The following SCAPER variants were observed in gnomAD, a reference collection of about 807,000 sequenced individuals.
SCAPER encodes the protein S-phase cyclin A associated protein in the ER, also known as S phase cyclin A-associated protein in the endoplasmic reticulum.
SCAPER carries 98 observed loss-of-function variants against 182.2 expected under a neutral mutation model. The observed-to-expected ratio is 0.54, with a 90% CI of 0.46 to 0.64. The LOEUF is 0.64. Ranked by LOEUF, SCAPER falls within the 30% of genes least tolerant of loss-of-function variation. The probability of loss-of-function intolerance (pLI) is 0.00; values close to 1 mark genes in which losing one functional copy is unlikely to be tolerated. For missense variants in SCAPER, 1,432 were observed against 1,690.0 expected (o/e 0.85, Z 2.68); for synonymous variants, 605 against 564.6 (o/e 1.07, Z -1.01).
chr15:76,614,176 T>A (rs992961623), intron 22 of SCAPER, among the ~76,000 whole-genome samples: 5 of 152,158 alleles, frequency 3.3e-5, no homozygotes, highest in Non-Finnish European at 1.5e-5. Flanking sequence ...TGTTCTCATT[T>A]ATAAGTGGGA....
chr15:76,391,851 A>G (rs1030018309), intron 27 of SCAPER, among the ~76,000 whole-genome samples: 1 of 152,228 alleles, frequency 6.6e-6, no homozygotes, highest in African/African-American at 2.4e-5. Context: ...CTGCACGTTG[A>G]CAAATACCAA....
intron 23 of SCAPER, among the ~76,000 whole-genome samples, chr15:76,525,613 T>C (rs111822359): frequency 1.3e-5 from 2 of 152,290 alleles, no homozygotes; most frequent in African/African-American, 2.4e-5. Context: ...AGTGAGAACA[T>C]GTGGTATTTG....
intron 8 of SCAPER, among the ~76,000 whole-genome samples, chr15:76,775,564 C>T (rs979730317): frequency 6.6e-6 from 1 of 152,164 alleles, no homozygotes; most frequent in Non-Finnish European, 1.5e-5. Flanking sequence ...AAATTCTAGT[C>T]TAGGTACATT....
intron 8 of SCAPER, among the ~76,000 whole-genome samples, chr15:76,778,226 C>T (rs140227756): frequency 1.2e-3 from 178 of 151,788 alleles, no homozygotes; most frequent in African/African-American, 4.0e-3. Context: ...AAGTAGTGCT[C>T]GATGTATACA....
chr15:76,779,398 A>C (rs2063950421), intron 8 of SCAPER, among the ~76,000 whole-genome samples: 1 of 152,196 alleles, frequency 6.6e-6, no homozygotes, highest in South Asian at 2.1e-4. Flanking sequence ...TAAAAGTATA[A>C]GAAAGGAATA....
chr15:76,564,677 T>C (rs2046895345), intron 23 of SCAPER, among the ~76,000 whole-genome samples: 4 of 152,046 alleles, frequency 2.6e-5, no homozygotes, highest in Admixed American at 2.6e-4. Context: ...TTTTTTTAAA[T>C]TCATATGGAA....
At chr15:76,875,694 G>A (rs537540461) in intron 2 of SCAPER, among the ~76,000 whole-genome samples, 10 of 152,290 alleles carry the variant, frequency 6.6e-5, no homozygotes, top group East Asian at 3.9e-4. Flanking sequence ...CAGCGTGTCC[G>A]GAGTTTGTTC....
At chr15:76,379,584 A>G (rs980774956) in intron 28 of SCAPER, 1 of 152,150 alleles carries the variant, frequency 6.6e-6, no homozygotes, top group Non-Finnish European at 1.5e-5. Flanking sequence ...GTAGGGGATA[A>G]GTTTCAAGAT....
intron 23 of SCAPER, among the ~76,000 whole-genome samples, chr15:76,516,512 C>T (rs1197245122): frequency 6.6e-6 from 1 of 152,048 alleles, no homozygotes; most frequent in Non-Finnish European, 1.5e-5. Context: ...TGGTTTCCAG[C>T]TTCATCCATG....
At chr15:76,663,172 T>C (rs1236538779) in intron 21 of SCAPER, among the ~76,000 whole-genome samples, 2 of 151,988 alleles carry the variant, frequency 1.3e-5, no homozygotes, top group Non-Finnish European at 2.9e-5. Context: ...TTAGAGGATA[T>C]GAAAAGATGA....
At chr15:76,605,917 C>T (rs953570462) in intron 22 of SCAPER, among the ~76,000 whole-genome samples, 3 of 151,966 alleles carry the variant, frequency 2.0e-5, no homozygotes, top group Non-Finnish European at 4.4e-5. Context: ...TCTCTCTTTT[C>T]TTCATTAGTC....
intron 5 of SCAPER, among the ~76,000 whole-genome samples, chr15:76,821,778 G>C (rs904282239): frequency 2.0e-5 from 3 of 151,984 alleles, no homozygotes; most frequent in Non-Finnish European, 4.4e-5. Flanking sequence ...GCATGGTGAC[G>C]CATGACTGTA....
intron 23 of SCAPER, among the ~76,000 whole-genome samples, chr15:76,529,790 T>G (rs573887005): frequency 1.3e-5 from 2 of 152,166 alleles, no homozygotes; most frequent in African/African-American, 4.8e-5. Context: ...AGTGAGAGAA[T>G]AGGTCATACA....
chr15:76,682,655 T>C (rs1375746242), intron 20 of SCAPER, among the ~76,000 whole-genome samples: 2 of 152,056 alleles, frequency 1.3e-5, no homozygotes, highest in Non-Finnish European at 2.9e-5. Flanking sequence ...TACCACCCAT[T>C]AGAGTGTTGT....
intron 29 of SCAPER, among the ~76,000 whole-genome samples, chr15:76,371,044 G>A (rs1440399358): frequency 6.6e-6 from 1 of 152,170 alleles, no homozygotes; most frequent in Non-Finnish European, 1.5e-5. Flanking sequence ...CTTAAGCAAC[G>A]TAAGATGAAA....
chr15:76,357,705 T>G (rs2041092050), intron 29 of SCAPER, among the ~76,000 whole-genome samples: 1 of 152,168 alleles, frequency 6.6e-6, no homozygotes, highest in South Asian at 2.1e-4. Flanking sequence ...AACAGATGAC[T>G]GCATAAAGAA....
chr15:76,739,225 C>T (rs1019738256), intron 15 of SCAPER, among the ~76,000 whole-genome samples: 2 of 152,166 alleles, frequency 1.3e-5, no homozygotes, highest in Non-Finnish European at 2.9e-5. Flanking sequence ...TCCACAGATA[C>T]TGAGGGATGA....
chr15:76,795,318 C>A lies in SCAPER; in HGVS notation c.734G>T (p.Cys245Phe), dbSNP rs760375885. The change falls in exon 8 of 32, where the codon TGC becomes TTC. Residue 245 changes from cysteine (C) to phenylalanine (F), a missense_variant. By Grantham distance (205) the Cys-to-Phe change is radical. Around this residue, in one of 5 missense-constraint regions of SCAPER, gnomAD observed 480 missense variants for 510.2 expected, o/e 0.94. Coordinates refer to ENST00000563290, the MANE Select transcript of SCAPER (RefSeq NM_020843.4). ...GGCCTTCTGCACTGTCATTGGTGGG[C>A]AAGACTGGGCGGGTGTTATTTCTGA... ...ASSEITPAQS[C>F]PPMTVQKASR... 8.1e-6 allele frequency: 13 copies of A among 1,613,100 alleles called. No individual in the cohort carries two copies. The highest frequency in any genetic ancestry group is 1.0e-5 in the Non-Finnish European group (12 of 1,179,380).
chr15:76,712,758 A>C (rs1399973692), intron 17 of SCAPER, among the ~76,000 whole-genome samples: 1 of 151,962 alleles, frequency 6.6e-6, no homozygotes, highest in Non-Finnish European at 1.5e-5. Context: ...TTGGTGTATA[A>C]GAATGCTTGT....
Sources: gnomAD v4.1 joint callset for allele counts (sites outside exome capture counted in the v4.1 genomes callset) on GRCh38, gnomAD v4.1.1 for gene constraint, gnomAD v4.1.1 regional missense constraint, MANE v1.5 for transcripts, NCBI Gene and HGNC (gene_info 2026-07-23, HGNC 2026-07-21) for gene names.